The following USP50 variants were observed in gnomAD, a reference collection of about 807,000 sequenced individuals.
The protein encoded by USP50 is ubiquitin carboxyl-terminal hydrolase 50.
In USP50, 37 loss-of-function variants were observed where a neutral mutation model predicts 39.2. That is an observed-to-expected ratio of 0.94 (90% CI 0.73 to 1.24). The LOEUF (loss-of-function observed/expected upper bound fraction) is 1.24. Among genes scored for constraint, USP50 ranks in the 50% most tolerant of loss-of-function variants. The pLI, the probability that USP50 is intolerant of heterozygous loss-of-function variation, is 0.00. For missense variants in USP50, 374 were observed against 398.2 expected, an observed-to-expected ratio of 0.94 and a Z score of 0.52; for synonymous variants, 139 against 144.5, an observed-to-expected ratio of 0.96 and a Z score of 0.27.
At chr15:50,546,087 T>C (rs2053068857) in intron 1 of USP50, among the ~76,000 whole-genome samples, 1 of 151,918 alleles carries the variant, frequency 6.6e-6, no homozygotes, top group Admixed American at 6.6e-5. Context: ...TTTTTTGTAT[T>C]GTGCCAGGCA....
At chr15:50,530,307 G>T (rs932479148) in intron 5 of USP50, among the ~76,000 whole-genome samples, 32 of 151,828 alleles carry the variant, frequency 2.1e-4, no homozygotes, top group African/African-American at 7.0e-4. Flanking sequence ...TTCTGGCCTG[G>T]CAAGGTGGCT....
chr15:50,539,830 T>C (rs1427130720), intron 4 of USP50, among the ~76,000 whole-genome samples: 2 of 152,174 alleles, frequency 1.3e-5, no homozygotes, highest in Non-Finnish European at 2.9e-5. Context: ...ATAATAAAGA[T>C]AGCAGAACAG....
Position 50,530,284 on chromosome 15 carries a change from A to G in USP50, c.804-355T>C, listed in dbSNP as rs556579812. Among the ~76,000 whole-genome samples, 186 of 151,396 alleles carry G rather than the reference A, an allele frequency of 1.2e-3. 1 individual carries two copies. The highest frequency in any genetic ancestry group is 1.6e-3 in the Non-Finnish European group (110 of 67,810). Reference sequence around the variant, plus strand: ...GGTGACAGAGTGAGACCCTGTCTCTAAAAAAAAGGAACTTCTGGCCTGGCA... The same window carrying G: ...GGTGACAGAGTGAGACCCTGTCTCTGAAAAAAAGGAACTTCTGGCCTGGCA... On this transcript the variant is annotated intron_variant, in intron 5 of 6. Transcript: ENST00000532404.
At chr15:50,538,041 C>A (rs1429812820) in intron 5 of USP50, among the ~76,000 whole-genome samples, 1 of 151,302 alleles carries the variant, frequency 6.6e-6, no homozygotes, top group African/African-American at 2.4e-5. Flanking sequence ...CTTTGGGAGA[C>A]CGAGGTGGGT....
chr15:50,495,483 T>TGA (rs2052357023), intron 1 of USP50, among the ~76,000 whole-genome samples: 1 of 94,402 alleles, frequency 1.1e-5, no homozygotes, highest in Admixed American at 1.4e-4. Context: ...TAGTAGAGAT[T>TGA]GGAGGGGGGG....
At chr15:50,530,944 TG>T (rs201196444) in intron 5 of USP50, among the ~76,000 whole-genome samples, 38 of 152,098 alleles carry the variant, frequency 2.5e-4, no homozygotes, top group African/African-American at 8.9e-4. Flanking sequence ...AGTTTTTGTT[TG>T]TTTTTTTTTA....
At chr15:50,528,866 T>G (rs929148275) in intron 6 of USP50, among the ~76,000 whole-genome samples, 2 of 152,206 alleles carry the variant, frequency 1.3e-5, no homozygotes, top group African/African-American at 4.8e-5. Context: ...TGAATCCTAC[T>G]GGGCTCCGGT....
chr15:50,498,587 G>A (rs776289939), downstream of USP50: 3 of 1,603,912 alleles, frequency 1.9e-6, no homozygotes, highest in Non-Finnish European at 2.6e-6. Context: ...GTAATGTTTT[G>A]TTCTGCAGTT....
At chr15:50,525,652 ATATGTATATATG>A (rs1442027248) in intron 6 of USP50, among the ~76,000 whole-genome samples, 8 of 83,470 alleles carry the variant, frequency 9.6e-5, no homozygotes, top group South Asian at 7.3e-4. Flanking sequence ...GTGTATATGT[ATATGTATATATG>A]TATATGTATA....
At chr15:50,526,699 CAT>C (rs1486840915) in intron 6 of USP50, among the ~76,000 whole-genome samples, 2 of 152,202 alleles carry the variant, frequency 1.3e-5, no homozygotes, top group Non-Finnish European at 2.9e-5. Flanking sequence ...TCAATATAGA[CAT>C]GTTTAACAAT....
At chr15:50,528,280 C>CTT (rs5812519) in intron 6 of USP50, among the ~76,000 whole-genome samples, 49,670 of 146,532 alleles carry the variant, frequency 0.34, 8,656 homozygotes, top group Middle Eastern at 0.42. Flanking sequence ...CACATAATTA[C>CTT]TTTTTTTTTT....
At chr15:50,526,163 A>T (rs1375611803) in intron 6 of USP50, among the ~76,000 whole-genome samples, 1 of 152,058 alleles carries the variant, frequency 6.6e-6, no homozygotes, top group Non-Finnish European at 1.5e-5. Context: ...GGCTCAAGAG[A>T]TCCCCCCACC....
chr15:50,524,687 A>G (rs76227768), intron 6 of USP50, among the ~76,000 whole-genome samples: 19,850 of 152,264 alleles, frequency 0.13, 1,818 homozygotes, highest in Non-Finnish European at 0.19. Context: ...TAGTACTGTC[A>G]TTATGGAAAA....
At chr15:50,536,169 G>T (rs956733054) in intron 5 of USP50, among the ~76,000 whole-genome samples, 12 of 152,052 alleles carry the variant, frequency 7.9e-5, no homozygotes, top group African/African-American at 2.9e-4. Flanking sequence ...ATAGAGACAG[G>T]GAAGTAAGAA....
rs140893443 is a variant in USP50 at position 50,546,608 on chromosome 15, C to T, written c.-83G>A. 6 of 1,516,248 alleles carry T rather than the reference C, an allele frequency of 4.0e-6. No homozygotes were observed. Among genetic ancestry groups the T allele is most frequent in the African/African-American group, 2.7e-5 (2 of 72,874 alleles). 93.9% of individuals were successfully genotyped at this position (1,516,248 alleles called of 1,614,324 possible). The stretch of plus-strand genomic sequence containing the variant: ...AACTTCATTTCTCTGAGCCTGTTAA[C>T]GCTGGCTTTTTGTTTTAAACAATTG... On this transcript the variant is annotated 5_prime_UTR_variant, in exon 1 of 7. Transcript: ENST00000532404.
At chr15:50,542,511 C>T (rs997882854) in intron 3 of USP50, among the ~76,000 whole-genome samples, 9 of 111,644 alleles carry the variant, frequency 8.1e-5, no homozygotes, top group South Asian at 3.0e-4. Flanking sequence ...TTCTTGGAGA[C>T]GGAGTCTTGC....
chr15:50,515,189 T>C (rs1480196173), intron 6 of USP50, among the ~76,000 whole-genome samples: 1 of 152,012 alleles, frequency 6.6e-6, no homozygotes, highest in Non-Finnish European at 1.5e-5. Flanking sequence ...TTTTATACAA[T>C]CTGTGCCAGA....
chr15:50,498,465 A>G (rs1415121822), downstream of USP50: 2 of 1,212,722 alleles, frequency 1.6e-6, no homozygotes, highest in South Asian at 1.9e-5. Flanking sequence ...AGGTTCCTCT[A>G]CTACTAAAAT....
chr15:50,505,924 C>G (rs1214428054), intron 6 of USP50: 5 of 152,332 alleles, frequency 3.3e-5, no homozygotes, highest in Non-Finnish European at 5.9e-5. Context: ...TGCACTAGTG[C>G]ACTCCAGTCT....
Sources: gnomAD v4.1 joint callset for allele counts (sites outside exome capture counted in the v4.1 genomes callset) on GRCh38, gnomAD v4.1.1 for gene constraint, MANE v1.5 for transcripts, NCBI Gene and HGNC (gene_info 2026-07-23, HGNC 2026-07-21) for gene names.